Variants in MTUS2 observed in about 807,000 individuals in gnomAD.
The protein encoded by MTUS2 is microtubule-associated tumor suppressor candidate 2.
Under a neutral mutation model 114.1 loss-of-function variants are expected in MTUS2, and 40 were observed. The observed-to-expected ratio is 0.35, with a 90% CI of 0.27 to 0.46. The LOEUF (loss-of-function observed/expected upper bound fraction) is 0.46. Among genes scored for constraint, MTUS2 ranks in the 20% least tolerant of loss-of-function variants. The pLI is 1.00. For synonymous variants in MTUS2, 688 were observed against 672.0 expected (o/e 1.02, Z -0.37); for missense variants, 1,679 against 1,705.4 (o/e 0.98, Z 0.27).
chr13:29,244,130 G>T (rs1284512574), intron 5 of MTUS2, among the ~76,000 whole-genome samples: 2 of 152,186 alleles, frequency 1.3e-5, no homozygotes, highest in Admixed American at 1.3e-4. Context: ...TCCATGGCTT[G>T]AGAAAGGAGA....
intron 8 of MTUS2, among the ~76,000 whole-genome samples, chr13:29,375,591 AT>A (rs1566163583): frequency 2.8e-4 from 1 of 3,544 alleles, no homozygotes; most frequent in Non-Finnish European, 6.9e-4. Flanking sequence ...ATATATACGT[AT>A]ATATATATAT....
chr13:29,252,050 G>A (rs1239948254), intron 5 of MTUS2, among the ~76,000 whole-genome samples: 1 of 152,050 alleles, frequency 6.6e-6, no homozygotes, highest in African/African-American at 2.4e-5. Flanking sequence ...CAAAACACTT[G>A]GAATCTTTCT....
chr13:29,474,501 G>T (rs1029261623), intron 9 of MTUS2, among the ~76,000 whole-genome samples: 1 of 152,124 alleles, frequency 6.6e-6, no homozygotes, highest in Non-Finnish European at 1.5e-5. Context: ...GTGAATCCCT[G>T]TACCTTGGCA....
chr13:29,405,515 C>T (rs1364260908), intron 8 of MTUS2, among the ~76,000 whole-genome samples: 1 of 152,110 alleles, frequency 6.6e-6, no homozygotes, highest in Non-Finnish European at 1.5e-5. Flanking sequence ...TTCTGAAGTT[C>T]TATATTTTAA....
chr13:29,474,108 C>A (rs2138858734), intron 9 of MTUS2, among the ~76,000 whole-genome samples: 1 of 152,310 alleles, frequency 6.6e-6, no homozygotes, highest in South Asian at 2.1e-4. Flanking sequence ...AGAATGTAAG[C>A]ATCACCTCTC....
At chr13:28,971,332 C>T (rs577310330) in intron 2 of MTUS2, among the ~76,000 whole-genome samples, 7 of 152,194 alleles carry the variant, frequency 4.6e-5, no homozygotes, top group African/African-American at 1.4e-4. Flanking sequence ...AGCTGTTTCA[C>T]AAGGAAAACA....
intron 5 of MTUS2, among the ~76,000 whole-genome samples, chr13:29,276,638 C>T (rs1027954969): frequency 2.6e-5 from 4 of 152,192 alleles, no homozygotes; most frequent in Admixed American, 6.5e-5. Context: ...TGGCTCATGC[C>T]TGTAATCCCA....
chr13:28,921,420 G>C (rs1309395472), intron 2 of MTUS2, among the ~76,000 whole-genome samples: 8 of 152,158 alleles, frequency 5.3e-5, no homozygotes, highest in Admixed American at 3.3e-4. Context: ...AGTCCTCTTT[G>C]CTCTTCACTT....
intron 5 of MTUS2, among the ~76,000 whole-genome samples, chr13:29,148,413 C>G (rs1447572153): frequency 6.6e-6 from 1 of 151,074 alleles, no homozygotes; most frequent in African/African-American, 2.4e-5. Flanking sequence ...CCCCATGTGT[C>G]CATGTGTTCT....
At chr13:28,963,561 T>C (rs1883436532) in intron 2 of MTUS2, among the ~76,000 whole-genome samples, 1 of 152,208 alleles carries the variant, frequency 6.6e-6, no homozygotes, top group Non-Finnish European at 1.5e-5. Flanking sequence ...TCTGTGTATG[T>C]GTATGAGAGT....
chr13:29,168,888 CTGTGTG>C (rs57636866), intron 5 of MTUS2, among the ~76,000 whole-genome samples: 10 of 138,382 alleles, frequency 7.2e-5, no homozygotes, highest in Admixed American at 1.5e-4. Flanking sequence ...CTTTATGAAT[CTGTGTG>C]TGTGTGTGTG....
At chr13:28,912,182 T>C in intron 2 of MTUS2, among the ~76,000 whole-genome samples, 1 of 152,218 alleles carries the variant, frequency 6.6e-6, no homozygotes, top group East Asian at 1.9e-4. Context: ...GAGTTAATTT[T>C]TGTATATGGT....
chr13:29,286,326 C>T (rs1898478294), intron 6 of MTUS2, among the ~76,000 whole-genome samples: 1 of 152,142 alleles, frequency 6.6e-6, no homozygotes, highest in Admixed American at 6.5e-5. Context: ...GTATTTCCTT[C>T]AAAATAACCT....
At chr13:29,055,678 C>A (rs1161306985) in intron 4 of MTUS2, among the ~76,000 whole-genome samples, 2 of 151,856 alleles carry the variant, frequency 1.3e-5, no homozygotes, top group Non-Finnish European at 1.5e-5. Context: ...GTGTAGTATT[C>A]CATATGTATT....
intron 2 of MTUS2, among the ~76,000 whole-genome samples, chr13:28,980,773 T>A (rs1375542033): frequency 6.6e-6 from 1 of 152,230 alleles, no homozygotes; most frequent in African/African-American, 2.4e-5. Context: ...TTTTTGTCGT[T>A]GTTGTTTGTT....
chr13:29,200,527 T>TTTTTTTG (rs1894902897), intron 5 of MTUS2, among the ~76,000 whole-genome samples: 2 of 138,704 alleles, frequency 1.4e-5, no homozygotes, highest in Admixed American at 1.4e-4. Context: ...TTCTGTTTTT[T>TTTTTTTG]TTTTTTTTTT....
At chr13:29,323,389 A>G (rs1425566270) in intron 6 of MTUS2, among the ~76,000 whole-genome samples, 1 of 151,928 alleles carries the variant, frequency 6.6e-6, no homozygotes, top group Non-Finnish European at 1.5e-5. Context: ...AGCTGGGACT[A>G]CAGGTGCCCA....
At chr13:28,889,964 C>G (rs1467030010) in intron 2 of MTUS2, among the ~76,000 whole-genome samples, 1 of 152,142 alleles carries the variant, frequency 6.6e-6, no homozygotes, top group Non-Finnish European at 1.5e-5. Flanking sequence ...AAGGTCTTGG[C>G]TACATTTGTC....
At chr13:29,416,346 CTA>C in intron 8 of MTUS2, among the ~76,000 whole-genome samples, 1 of 151,864 alleles carries the variant, frequency 6.6e-6, no homozygotes, top group East Asian at 1.9e-4. Flanking sequence ...TGCATTATTT[CTA>C]TTTGTCAAGA....
Sources: gnomAD v4.1 joint callset for allele counts (sites outside exome capture counted in the v4.1 genomes callset) on GRCh38, gnomAD v4.1.1 for gene constraint, MANE v1.5 for transcripts, NCBI Gene and HGNC (gene_info 2026-07-23, HGNC 2026-07-21) for gene names.